The following KDM4B variants were observed in gnomAD, a reference collection of about 807,000 sequenced individuals.
The protein encoded by KDM4B is lysine-specific demethylase 4B.
Under a neutral mutation model 125.2 loss-of-function variants are expected in KDM4B, and 32 were observed. That is an observed-to-expected ratio of 0.26 (90% CI 0.19 to 0.34). The LOEUF is 0.34. Among genes scored for constraint, KDM4B ranks in the 10% least tolerant of loss-of-function variants. KDM4B has a pLI of 1.00. For missense variants in KDM4B, 1,190 were observed against 1,577.7 expected (o/e 0.75, Z 4.16); for synonymous variants, 721 against 677.9 (o/e 1.06, Z -0.99).
At chr19:5,004,343 C>A (rs1351557768) in intron 1 of KDM4B, among the ~76,000 whole-genome samples, 1 of 152,200 alleles carries the variant, frequency 6.6e-6, no homozygotes, top group Non-Finnish European at 1.5e-5. Flanking sequence ...GCTCCCTCCT[C>A]ACCCGGCCTG....
chr19:5,102,042 C>T lies in KDM4B; in HGVS notation c.919-8580C>T, dbSNP rs898926638. On this transcript the variant is annotated intron_variant, in intron 9 of 22. Coordinates refer to ENST00000159111, the MANE Select transcript of KDM4B (RefSeq NM_015015.3). ...AGGGGTCGGGTGCTGCGGCAGTCCT[C>T]GCGCAGACCTCCGTTTTGAGCACCC... 1.8e-4 allele frequency among the ~76,000 whole-genome samples: 27 copies of T among 152,262 alleles called. 1 individual carries two copies. The highest frequency in any genetic ancestry group is 2.6e-4 in the African/African-American group (11 of 41,548).
At chr19:4,987,742 G>T (rs1177406965) in intron 1 of KDM4B, among the ~76,000 whole-genome samples, 2 of 152,130 alleles carry the variant, frequency 1.3e-5, no homozygotes, top group Non-Finnish European at 2.9e-5. Context: ...GTGTTTTAAA[G>T]ACCTCTCTGG....
intron 1 of KDM4B, among the ~76,000 whole-genome samples, chr19:5,013,926 G>A (rs561260311): frequency 6.6e-6 from 1 of 152,340 alleles, no homozygotes; most frequent in African/African-American, 2.4e-5. Context: ...AGGTCGTGAA[G>A]CCCTTTGCAG....
chr19:5,074,694 C>T (rs929620243), intron 7 of KDM4B: 1 of 152,288 alleles, frequency 6.6e-6, no homozygotes, highest in African/African-American at 2.4e-5. Flanking sequence ...CAAAACCTCA[C>T]CGTGGTGTCT....
Position 4,991,124 on chromosome 19 carries a change from T to C in KDM4B, c.-109+21894T>C, listed in dbSNP as rs368958312. ...CAGAGTGAGACTCGGTCTCAAAAAA[T>C]AGTAAAGCAAAAAATAAAAATAAAA... On this transcript the variant is annotated intron_variant, in intron 1 of 22. Transcript: ENST00000159111. 2.9e-4 allele frequency among the ~76,000 whole-genome samples: 44 copies of C among 151,710 alleles called. No homozygotes were observed. In the South Asian group the frequency reaches 8.2e-3, roughly 28 times the overall value.
intron 21 of KDM4B, among the ~76,000 whole-genome samples, chr19:5,149,348 T>C (rs1162287042): frequency 6.6e-6 from 1 of 152,272 alleles, no homozygotes; most frequent in East Asian, 1.9e-4. Flanking sequence ...TTGTTCATTT[T>C]GAGACGGGGT....
At chr19:5,025,654 C>G (rs1277979354) in intron 2 of KDM4B, among the ~76,000 whole-genome samples, 1 of 152,252 alleles carries the variant, frequency 6.6e-6, no homozygotes, top group Non-Finnish European at 1.5e-5. Context: ...CTGCCGCCTC[C>G]TCTGCGCTCC....
At chr19:5,034,459 C>T (rs1413122817) in intron 3 of KDM4B, among the ~76,000 whole-genome samples, 2 of 152,240 alleles carry the variant, frequency 1.3e-5, no homozygotes, top group Non-Finnish European at 2.9e-5. Flanking sequence ...CAACATTATT[C>T]CTGGATGCTG....
intron 1 of KDM4B, among the ~76,000 whole-genome samples, chr19:4,970,297 C>G (rs2034209695): frequency 6.6e-6 from 1 of 152,256 alleles, no homozygotes; most frequent in Non-Finnish European, 1.5e-5. Flanking sequence ...TAATAATTTA[C>G]CAGCACCCTG....
intron 6 of KDM4B, among the ~76,000 whole-genome samples, chr19:5,057,029 C>CGTGTGT (rs74170763): frequency 0.01 from 1,507 of 144,112 alleles, 19 homozygotes; most frequent in African/African-American, 0.029. Flanking sequence ...GATATATATG[C>CGTGTGT]GTGTGTGTGT....
At chr19:4,993,600 C>T (rs146086863) in intron 1 of KDM4B, among the ~76,000 whole-genome samples, 3 of 151,828 alleles carry the variant, frequency 2.0e-5, no homozygotes, top group Non-Finnish European at 4.4e-5. Context: ...CTCTTTATCT[C>T]TAGTAACTTT....
intron 10 of KDM4B, 125 bp from the exon 11 acceptor site, chr19:5,119,528 G>A: frequency 5.3e-6 from 5 of 945,780 alleles, no homozygotes; most frequent in Non-Finnish European, 6.7e-6. Flanking sequence ...CAGCCAGGAG[G>A]CCCCCTGCTC....
intron 1 of KDM4B, among the ~76,000 whole-genome samples, chr19:4,995,067 T>A (rs1330075441): frequency 6.6e-6 from 1 of 152,182 alleles, no homozygotes; most frequent in Non-Finnish European, 1.5e-5. Flanking sequence ...CTTCTTTTGC[T>A]CATTCCTCCT....
chr19:5,015,765 G>T (rs1380284166), intron 1 of KDM4B, among the ~76,000 whole-genome samples: 1 of 152,240 alleles, frequency 6.6e-6, no homozygotes, highest in Non-Finnish European at 1.5e-5. Flanking sequence ...ACAAGTATCT[G>T]AGCGTCTTTG....
At chr19:5,044,380 G>A (rs1454280971) in intron 5 of KDM4B, among the ~76,000 whole-genome samples, 13 of 129,882 alleles carry the variant, frequency 1.0e-4, no homozygotes, top group Admixed American at 2.3e-4. Context: ...CTTATCCCGC[G>A]TGGTGTTTAT....
At chr19:5,000,852 A>G (rs900655030) in intron 1 of KDM4B, among the ~76,000 whole-genome samples, 2 of 152,148 alleles carry the variant, frequency 1.3e-5, no homozygotes, top group African/African-American at 4.8e-5. Context: ...GATGTAGTGT[A>G]TAGAACATTA....
Position 5,082,935 on chromosome 19 carries a change from C to T in KDM4B, c.918+431C>T, listed in dbSNP as rs1201047998. Reference sequence around the variant, plus strand: ...TTGCTGACATCTCTCTCCTGGGGGCCGCTTGGCCAGGCAGGAGCCCACTCA... The same window carrying T: ...TTGCTGACATCTCTCTCCTGGGGGCTGCTTGGCCAGGCAGGAGCCCACTCA... On this transcript the variant is annotated intron_variant, in intron 9 of 22. Coordinates refer to ENST00000159111, the MANE Select transcript of KDM4B (RefSeq NM_015015.3). The surrounding 1 kb of genome is among the most constrained non-coding windows in gnomAD (Gnocchi z 5.4). 1.3e-5 allele frequency among the ~76,000 whole-genome samples: 2 copies of T among 152,282 alleles called. No homozygotes were observed. Among genetic ancestry groups the T allele is most frequent in the Non-Finnish European group, 1.5e-5 (1 of 68,008 alleles).
At chr19:5,102,727 T>C (rs375342701) in intron 9 of KDM4B, among the ~76,000 whole-genome samples, 2 of 152,150 alleles carry the variant, frequency 1.3e-5, no homozygotes, top group East Asian at 3.9e-4. Context: ...TGACGGGTGA[T>C]GGGTGCAGCA....
chr19:5,112,125 C>T (rs928878843), intron 10 of KDM4B: 9 of 340,512 alleles, frequency 2.6e-5, no homozygotes, highest in East Asian at 1.2e-4. Context: ...TGGTGGTGTG[C>T]GCCTGTGGTC....
Sources: gnomAD v4.1 joint callset for allele counts (sites outside exome capture counted in the v4.1 genomes callset) on GRCh38, gnomAD v4.1.1 for gene constraint, Gnocchi (gnomAD v3.1) non-coding constraint, MANE v1.5 for transcripts, NCBI Gene and HGNC (gene_info 2026-07-23, HGNC 2026-07-21) for gene names.